INPP5A: variants seen among roughly 807,000 people sequenced by gnomAD.
INPP5A encodes the protein 43 kDa inositol polyphosphate 5-phophatase.
INPP5A carries 14 observed loss-of-function variants against 65.2 expected under a neutral mutation model. The observed-to-expected ratio is 0.21, with a 90% CI of 0.14 to 0.34. The LOEUF (loss-of-function observed/expected upper bound fraction) is 0.34. Ranked by LOEUF, INPP5A falls within the 10% of genes least tolerant of loss-of-function variation. The pLI is 1.00. For synonymous variants in INPP5A, 207 were observed against 208.3 expected (o/e 0.99, Z 0.05); for missense variants, 431 against 545.6 (o/e 0.79, Z 2.09).
chr10:132,718,275 G>A (rs1396353604), intron 8 of INPP5A, among the ~76,000 whole-genome samples: 1 of 148,078 alleles, frequency 6.8e-6, no homozygotes, highest in Admixed American at 6.7e-5. Context: ...TGGTACCTGG[G>A]TTCTTTCTGG....
At chr10:132,597,925 C>G (rs1277862272) in intron 1 of INPP5A, among the ~76,000 whole-genome samples, 12 of 112,352 alleles carry the variant, frequency 1.1e-4, no homozygotes, top group Middle Eastern at 7.1e-3. Flanking sequence ...TGTGGTGCGT[C>G]CTGCGGGGCT....
intron 1 of INPP5A, among the ~76,000 whole-genome samples, chr10:132,573,028 G>A (rs945218198): frequency 6.9e-6 from 1 of 145,080 alleles, no homozygotes; most frequent in African/African-American, 2.6e-5. Context: ...GTTTTGTTGC[G>A]ATGTTGGGGT....
intron 4 of INPP5A, among the ~76,000 whole-genome samples, chr10:132,668,237 A>G (rs903495378): frequency 4.6e-5 from 7 of 152,118 alleles, no homozygotes. Flanking sequence ...GGTGTCACTG[A>G]TCCTTTCTTA....
intron 4 of INPP5A, among the ~76,000 whole-genome samples, chr10:132,668,956 T>G (rs2072843737): frequency 6.6e-6 from 1 of 152,080 alleles, no homozygotes; most frequent in East Asian, 1.9e-4. Flanking sequence ...ACAGGAAGGT[T>G]AAGAAACAGC....
chr10:132,684,231 C>T (rs2073087732), intron 4 of INPP5A, among the ~76,000 whole-genome samples: 1 of 152,104 alleles, frequency 6.6e-6, no homozygotes, highest in Non-Finnish European at 1.5e-5. Context: ...ATTTGATTTA[C>T]CCATTTGCAC....
At chr10:132,612,098 G>A (rs1469682835) in intron 2 of INPP5A, among the ~76,000 whole-genome samples, 1 of 143,160 alleles carries the variant, frequency 7.0e-6, no homozygotes, top group African/African-American at 2.5e-5. Flanking sequence ...AGAGGGAAGT[G>A]AGGTGGGCAG....
intron 8 of INPP5A, among the ~76,000 whole-genome samples, chr10:132,725,910 C>T (rs964079566): frequency 2.0e-5 from 3 of 152,052 alleles, no homozygotes; most frequent in Non-Finnish European, 4.4e-5. Context: ...GTTTCTGTTC[C>T]ACTGATGGTT....
intron 4 of INPP5A, among the ~76,000 whole-genome samples, chr10:132,669,808 A>G (rs1341623187): frequency 6.6e-6 from 1 of 151,964 alleles, no homozygotes; most frequent in East Asian, 1.9e-4. Context: ...GGTTTCTGGA[A>G]GGGCATTGTT....
intron 1 of INPP5A, among the ~76,000 whole-genome samples, chr10:132,563,119 T>C (rs1203856130): frequency 6.6e-6 from 1 of 152,304 alleles, no homozygotes; most frequent in East Asian, 1.9e-4. Flanking sequence ...GGGGAGGGGC[T>C]GGGAGAGACT....
chr10:132,719,071 C>T (rs1272513064), intron 8 of INPP5A, among the ~76,000 whole-genome samples: 1,059 of 35,552 alleles, frequency 0.03, no homozygotes, highest in Admixed American at 0.045. Flanking sequence ...ACGGCTGTCT[C>T]GCGGGTTCTG....
intron 4 of INPP5A, among the ~76,000 whole-genome samples, chr10:132,671,814 T>A (rs1221843044): frequency 6.6e-6 from 1 of 152,202 alleles, no homozygotes; most frequent in Non-Finnish European, 1.5e-5. Flanking sequence ...ACAGAGAGGT[T>A]CAGGGACCAA....
chr10:132,740,389 C>T (rs1434384406), intron 9 of INPP5A, among the ~76,000 whole-genome samples: 1 of 152,208 alleles, frequency 6.6e-6, no homozygotes, highest in Non-Finnish European at 1.5e-5. Context: ...GTGAATTCTC[C>T]TTTCACAGCG....
At chr10:132,606,773 G>GGC in intron 1 of INPP5A, among the ~76,000 whole-genome samples, 1 of 152,218 alleles carries the variant, frequency 6.6e-6, no homozygotes, top group Non-Finnish European at 1.5e-5. Flanking sequence ...CGGAGGCTGA[G>GGC]ACCAGGGCAG....
rs1208817612 is a variant in INPP5A at position 132,704,627 on chromosome 10, C to T, written c.475-3686C>T. On this transcript the variant is annotated intron_variant, in intron 6 of 15. Coordinates refer to ENST00000368594, the MANE Select transcript of INPP5A (RefSeq NM_005539.5). This position sits in a 1 kb window ranked among gnomAD's most constrained non-coding sequence, Gnocchi z 4.5. ...CTGTCTTACCCACTGCCTTGAGGCC[C>T]TGGGTGCTGCTGGTGTGGATCCTGT... Among the ~76,000 whole-genome samples, 1 of 152,226 alleles carries T rather than the reference C, an allele frequency of 6.6e-6. No homozygotes were observed. The highest frequency in any genetic ancestry group is 1.9e-4 in the East Asian group (1 of 5,190).
intron 1 of INPP5A, among the ~76,000 whole-genome samples, chr10:132,596,836 C>T (rs540189724): frequency 2.6e-4 from 36 of 141,144 alleles, no homozygotes; most frequent in Admixed American, 4.2e-4. Flanking sequence ...TGCTTGTGTG[C>T]GTGTGTGCAT....
intron 4 of INPP5A, among the ~76,000 whole-genome samples, chr10:132,672,183 T>A (rs1293525343): frequency 4.6e-5 from 7 of 152,256 alleles, no homozygotes; most frequent in Admixed American, 4.6e-4. Context: ...TAAGAAAATA[T>A]CTTCATTTTA....
At chr10:132,576,243 G>A (rs1448224422) in intron 1 of INPP5A, among the ~76,000 whole-genome samples, 1 of 152,204 alleles carries the variant, frequency 6.6e-6, no homozygotes, top group Non-Finnish European at 1.5e-5. Context: ...AGGTGCTGGT[G>A]TGCCCCTCCT....
At chr10:132,754,013 G>T (rs1846544317) in intron 11 of INPP5A, 1 of 152,226 alleles carries the variant, frequency 6.6e-6, no homozygotes, top group Admixed American at 6.5e-5. Flanking sequence ...CTCCTGTCTG[G>T]TATTTTGTTC....
intron 4 of INPP5A, among the ~76,000 whole-genome samples, chr10:132,666,955 A>C (rs1002513106): frequency 1.3e-5 from 2 of 152,156 alleles, no homozygotes; most frequent in Admixed American, 1.3e-4. Flanking sequence ...GGTTTTTAAA[A>C]AAGTTATTTT....
Sources: gnomAD v4.1 joint callset for allele counts (sites outside exome capture counted in the v4.1 genomes callset) on GRCh38, gnomAD v4.1.1 for gene constraint, Gnocchi (gnomAD v3.1) non-coding constraint, MANE v1.5 for transcripts, NCBI Gene and HGNC (gene_info 2026-07-23, HGNC 2026-07-21) for gene names.